The following MYO1H variants were observed in gnomAD, a reference collection of about 807,000 sequenced individuals.
MYO1H encodes the protein unconventional myosin-Ih.
Under a neutral mutation model 149.3 loss-of-function variants are expected in MYO1H, and 118 were observed. That is an observed-to-expected ratio of 0.79 (90% confidence interval 0.68 to 0.92). The LOEUF is 0.92. Ranked by LOEUF, MYO1H falls within the 40% of genes least tolerant of loss-of-function variation. The pLI, the probability that MYO1H is intolerant of heterozygous loss-of-function variation, is 0.00. For synonymous variants in MYO1H, 447 were observed against 465.2 expected (o/e 0.96, Z 0.50); for missense variants, 1,212 against 1,280.7 (o/e 0.95, Z 0.82).
exon 8 of MYO1H, chr12:109,405,946 G>A (rs116597047): frequency 1.2e-6 from 2 of 1,612,810 alleles, no homozygotes; most frequent in Non-Finnish European, 1.7e-6. Context: ...TATTGCCAGT[G>A]TCTTACACCT....
chr12:109,413,976 A>G (rs1870788879), intron 14 of MYO1H, among the ~76,000 whole-genome samples: 1 of 152,148 alleles, frequency 6.6e-6, no homozygotes, highest in African/African-American at 2.4e-5. Flanking sequence ...ACTGGGTAAA[A>G]ATTCACTTAT....
chr12:109,337,783 G>A, the MYO1H span, among the ~76,000 whole-genome samples: 13 of 152,152 alleles, frequency 8.5e-5, no homozygotes, highest in African/African-American at 2.9e-4. Flanking sequence ...TGGGAGGAGT[G>A]AAACCTGTTA....
intron 1 of MYO1H, among the ~76,000 whole-genome samples, chr12:109,371,797 G>C (rs917532121): frequency 6.6e-6 from 1 of 152,152 alleles, no homozygotes; most frequent in Non-Finnish European, 1.5e-5. Flanking sequence ...ATAGATGCTA[G>C]TAATTCCTTT....
At chr12:109,422,115 T>C (rs1438005029) in intron 16 of MYO1H, among the ~76,000 whole-genome samples, 5 of 152,206 alleles carry the variant, frequency 3.3e-5, no homozygotes, top group Non-Finnish European at 7.3e-5. Context: ...CACTGCGCCA[T>C]GCCTAAAACC....
chr12:109,320,243 G>A, the MYO1H span, among the ~76,000 whole-genome samples: 2 of 152,070 alleles, frequency 1.3e-5, no homozygotes, highest in South Asian at 2.1e-4. Flanking sequence ...GAGCCCAGGA[G>A]TCTGAGGCTG....
chr12:109,345,893 A>G (rs181256435), upstream of MYO1H, among the ~76,000 whole-genome samples: 40 of 152,306 alleles, frequency 2.6e-4, 1 homozygote, highest in African/African-American at 8.7e-4. Flanking sequence ...AATGTCCATG[A>G]TAGGCCAAAT....
chr12:109,447,026 T>C (rs1309529440), intron 31 of MYO1H, 133 bp from the exon 32 acceptor site: 5 of 855,288 alleles, frequency 5.8e-6, no homozygotes, highest in Non-Finnish European at 9.7e-6. Context: ...GCTTGTCTCA[T>C]GGGAGGTGGC....
At chr12:109,424,791 T>A (rs1871296175) in exon 17 of MYO1H, 1 of 1,613,864 alleles carries the variant, frequency 6.2e-7, no homozygotes, top group Admixed American at 1.7e-5. Flanking sequence ...GAATGCTTCC[T>A]GCTGGCCGAG....
At chr12:109,444,083 C>T in intron 28 of MYO1H, 130 bp from the exon 29 acceptor site, 1 of 736,916 alleles carries the variant, frequency 1.4e-6, no homozygotes, top group Non-Finnish European at 2.4e-6. Context: ...TAAAGTATGC[C>T]CTTCATCCTT....
intron 9 of MYO1H, 136 bp from the exon 10 acceptor site, chr12:109,407,658 A>G (rs1870453621): frequency 1.0e-5 from 8 of 798,128 alleles, no homozygotes; most frequent in Non-Finnish European, 1.5e-5. Context: ...AGTCCCAGCT[A>G]CTGCATTCCA....
chr12:109,319,957 T>C, the MYO1H span, among the ~76,000 whole-genome samples: 1 of 152,156 alleles, frequency 6.6e-6, no homozygotes, highest in Admixed American at 6.5e-5. Context: ...AATTACTAAA[T>C]TGGCTAGACT....
At chr12:109,343,760 A>T (rs529905736), upstream of MYO1H, among the ~76,000 whole-genome samples, 9 of 152,320 alleles carry the variant, frequency 5.9e-5, no homozygotes, top group South Asian at 6.2e-4. Context: ...AACATAGAAG[A>T]CGTTATTGAA....
chr12:109,319,056 A>G, the MYO1H span, among the ~76,000 whole-genome samples: 1 of 147,608 alleles, frequency 6.8e-6, no homozygotes, highest in Non-Finnish European at 1.5e-5. Context: ...CAAGAAAATG[A>G]TACATCCATG....
chr12:109,443,082 G>GTATATGTGTATATATGTGTACGTA lies in MYO1H; in HGVS notation c.2689-429_2689-428insATGTGTATATATGTGTACGTATAT, dbSNP rs146003134. On this transcript the variant is annotated intron_variant, in intron 27 of 31. Coordinates refer to ENST00000310903, the Ensembl canonical transcript of MYO1H. ...TACGTATGTGTGTATATATGTGTAC[G>GTATATGTGTATATATGTGTACGTA]TATGTGTGTATATATGTGTACGTAT... Among the ~76,000 whole-genome samples, 9 of 49,668 alleles carry GTATATGTGTATATATGTGTACGTA rather than the reference G, an allele frequency of 1.8e-4. 2 individuals carry two copies. The East Asian group carries it at 4.2e-3, about 23-fold the overall frequency. The allele number at this position is 49,668 out of a possible 152,430, so 32.6% of individuals were successfully genotyped here.
Position 109,421,456 on chromosome 12 carries a change from G to A in MYO1H, c.1644+429G>A, listed in dbSNP as rs905373856. On this transcript the variant is annotated intron_variant, in intron 16 of 31. Transcript: ENST00000310903. Reference sequence around the variant, plus strand: ...TGATTAGAGAAAACACCCCTTGGAGGTGACTTTGAGCTAAAACCTGAATGA... The same window carrying A: ...TGATTAGAGAAAACACCCCTTGGAGATGACTTTGAGCTAAAACCTGAATGA... Among the ~76,000 whole-genome samples, 4 of 152,170 alleles carry A rather than the reference G, an allele frequency of 2.6e-5. No homozygotes were observed. In the South Asian group the frequency reaches 6.2e-4, roughly 24 times the overall value.
In MYO1H at chr12:109,440,786, C is replaced by T. The variant is rs1195528080; in HGVS notation, c.2497C>T (p.Gln833Ter). The T allele has an allele frequency of 9.6e-6, 15 of 1,564,584 alleles. No homozygotes were observed. Among genetic ancestry groups the T allele is most frequent in the Non-Finnish European group, 1.3e-5 (15 of 1,154,890 alleles). Residue 833 changes from glutamine (Q) to a stop codon, truncating the protein, a stop_gained, in exon 25 of 32, where the codon CAG (glutamine) becomes TAG (stop). Transcript: ENST00000310903. LOFTEE classifies it high-confidence loss of function. Reference sequence around the variant, plus strand: ...GAAAATGTGCGTGAGGAACCTGGTGCAGAAGTACTGCCGCGGGATCACAGC... The same window carrying T: ...GAAAATGTGCGTGAGGAACCTGGTGTAGAAGTACTGCCGCGGGATCACAGC...
rs567509534 is a variant in MYO1H at position 109,353,309 on chromosome 12, G to A, written c.12+5337G>A. ...CTCAGGAGGCTGACGCAGGAAAATC[G>A]CTTGAACCCGGGAGGCGGAGGTTGC... On this transcript the variant is annotated intron_variant, in intron 1 of 31. Coordinates refer to ENST00000310903, the Ensembl canonical transcript of MYO1H. Among the ~76,000 whole-genome samples, 21 of 145,126 alleles carry A rather than the reference G, an allele frequency of 1.4e-4. No homozygotes were observed. In the South Asian group the frequency reaches 4.2e-3, roughly 29 times the overall value.
chr12:109,414,698 AG>A (rs1168402411), intron 14 of MYO1H, among the ~76,000 whole-genome samples: 1 of 152,042 alleles, frequency 6.6e-6, no homozygotes, highest in African/African-American at 2.4e-5. Flanking sequence ...ATGGGAAGAA[AG>A]GATCTAATTT....
chr12:109,369,279 C>T lies in MYO1H; in HGVS notation c.13-19404C>T, dbSNP rs564823677. 7.2e-5 allele frequency among the ~76,000 whole-genome samples: 11 copies of T among 152,198 alleles called. 1 individual carries two copies. In the South Asian group the frequency reaches 1.0e-3, roughly 14 times the overall value. On this transcript the variant is annotated intron_variant, in intron 1 of 31. Transcript: ENST00000310903. ...ATTCTTTTCATGGCTGCACAGTATT[C>T]CATGGTGTATATGTACCAAATTTTC...
Sources: gnomAD v4.1 joint callset for allele counts (sites outside exome capture counted in the v4.1 genomes callset) on GRCh38, gnomAD v4.1.1 for gene constraint, MANE v1.5 for transcripts, NCBI Gene and HGNC (gene_info 2026-07-23, HGNC 2026-07-21) for gene names.